The following PCDHB10 variants were observed in gnomAD, a reference collection of about 807,000 sequenced individuals.
PCDHB10 encodes the protein protocadherin beta-10.
For synonymous variants in PCDHB10, 448 were observed against 449.2 expected, an observed-to-expected ratio of 1.00 and a Z score of 0.04; for missense variants, 1,046 against 1,004.7, an observed-to-expected ratio of 1.04 and a Z score of -0.56.
rs781951217 is a variant in PCDHB10, at chr5:141,194,789, C to A, written c.2237C>A (p.Thr746Asn). Reference sequence around the variant, plus strand: ...CTGGTGGACGTGAGGGGCGCTGAGACCCTGTCCCAGAGCTACCAGTATGAG... The same window carrying A: ...CTGGTGGACGTGAGGGGCGCTGAGAACCTGTCCCAGAGCTACCAGTATGAG... Reference protein sequence around the residue: ...GHLVDVRGAETLSQSYQYEVC... With the variant: ...GHLVDVRGAENLSQSYQYEVC... The change falls in exon 1 of 1, where the codon ACC (threonine) becomes AAC (asparagine). Residue 746 changes from threonine (T) to asparagine (N), a missense_variant. Coordinates refer to ENST00000239446, the MANE Select transcript of PCDHB10 (RefSeq NM_018930.4). 3.2e-5 allele frequency: 52 copies of A among 1,613,956 alleles called. No homozygotes were observed. The South Asian group carries it at 4.7e-4, about 15-fold the overall frequency.
Position 141,194,676 on chromosome 5 carries a change from C to G in PCDHB10, c.2124C>G (p.Leu708=), listed in dbSNP as rs782526480. 4 of 1,606,738 alleles carry G rather than the reference C, an allele frequency of 2.5e-6. No homozygotes were observed. In the South Asian group the frequency reaches 4.4e-5, roughly 18 times the overall value. ...SVSSLFLLSV[L]LFVAVRLCRR... Reference sequence around the variant, plus strand: ...CTTCGCTCTTCCTCCTCTCGGTGCTCCTGTTCGTGGCGGTGCGGCTGTGCA... The same window carrying G: ...CTTCGCTCTTCCTCCTCTCGGTGCTGCTGTTCGTGGCGGTGCGGCTGTGCA... Residue 708 remains leucine (L), a synonymous_variant, in exon 1 of 1, where the codon CTC becomes CTG. Transcript: ENST00000239446.
chr5:141,194,122 C>T lies in PCDHB10; in HGVS notation c.1570C>T (p.Leu524=), dbSNP rs1554284287. The T allele has an allele frequency of 6.2e-7, 1 of 1,605,950 alleles. No individual in the cohort carries two copies. The highest frequency in any genetic ancestry group is 8.5e-7 in the Non-Finnish European group (1 of 1,177,026). Residue 524 remains leucine (L), a synonymous_variant, in exon 1 of 1, where the codon CTG becomes TTG. Coordinates refer to ENST00000239446, the MANE Select transcript of PCDHB10 (RefSeq NM_018930.4). ...CCTCAGGTCGCTGGACTACGAGGCCCTGCAGGCTTTCGAGTTCCGCGTGGG... is the reference window on the plus strand; with the variant it reads ...CCTCAGGTCGCTGGACTACGAGGCCTTGCAGGCTTTCGAGTTCCGCGTGGG... ...FALRSLDYEA[L]QAFEFRVGAT... is the part of the protein sequence containing the mutation.
In PCDHB10 at chr5:141,194,619, C is replaced by G. The variant is rs201532780; in HGVS notation, c.2067C>G (p.Thr689=). 7 of 1,597,180 alleles carry G rather than the reference C, an allele frequency of 4.4e-6. No individual in the cohort carries two copies. Among genetic ancestry groups the G allele is most frequent in the Admixed American group, 1.7e-5 (1 of 59,114 alleles). Residue 689 remains threonine, a synonymous_variant, in exon 1 of 1, where the codon ACC becomes ACG. Transcript: ENST00000239446. ...AQAQAEADLL[T]VYLVVALASV... Reference sequence around the variant, plus strand: ...CCCAGGCCGAGGCCGACTTGCTCACCGTCTACCTGGTGGTGGCGTTGGCCT... The same window carrying G: ...CCCAGGCCGAGGCCGACTTGCTCACGGTCTACCTGGTGGTGGCGTTGGCCT...
rs1554284001 is a variant in PCDHB10, at chr5:141,193,217, G to A, written c.665G>A (p.Arg222Lys). Residue 222 changes from arginine to lysine, a missense_variant, in exon 1 of 1, where the codon AGG (arginine) becomes AAG (lysine). Arg to Lys is a conservative substitution (Grantham distance 26, BLOSUM62 2). Coordinates refer to ENST00000239446, the MANE Select transcript of PCDHB10 (RefSeq NM_018930.4). ...LTALDGGSPSRSGTSTVRIVV... is the reference protein window; with the variant it reads ...LTALDGGSPSKSGTSTVRIVV... ...GCGCTGGATGGTGGGTCTCCATCCAGGTCTGGGACCTCTACTGTACGCATC... is the reference window on the plus strand; with the variant it reads ...GCGCTGGATGGTGGGTCTCCATCCAAGTCTGGGACCTCTACTGTACGCATC... The A allele has an allele frequency of 6.2e-7, 1 of 1,614,082 alleles. No homozygotes were observed. The highest frequency in any genetic ancestry group is 2.2e-5 in the East Asian group (1 of 44,862).
In PCDHB10 at chr5:141,195,181, C is replaced by A; in HGVS notation, c.*226C>A. On this transcript the variant is annotated 3_prime_UTR_variant, in exon 1 of 1. Transcript: ENST00000239446. Reference sequence around the variant, plus strand: ...GATAGTGTTAAGGTTTTAATTCTTTCCAACTGCCCAAGGAATTAATTACTA... The same window carrying A: ...GATAGTGTTAAGGTTTTAATTCTTTACAACTGCCCAAGGAATTAATTACTA... The A allele has an allele frequency of 2.3e-6, 1 of 437,112 alleles. No individual in the cohort carries two copies. Among genetic ancestry groups the A allele is most frequent in the Non-Finnish European group, 4.1e-6 (1 of 241,942 alleles). The allele number at this position is 437,112 out of a possible 1,614,324, so 27.1% of individuals were successfully genotyped here. A position where few individuals can be genotyped will look rare whatever the true frequency, so the allele number is the denominator to read the frequency against.
Position 141,194,028 on chromosome 5 carries a change from G to T in PCDHB10, c.1476G>T (p.Pro492=), listed in dbSNP as rs141172055. Residue 492 remains proline (P), a synonymous_variant, in exon 1 of 1, where the codon CCG becomes CCT. Coordinates refer to ENST00000239446, the MANE Select transcript of PCDHB10 (RefSeq NM_018930.4). The part of the protein sequence containing the change: ...TNAQVTYSLL[P]PQDPHLPLAS... ...CCCAGGTCACCTACTCGCTGCTGCC[G>T]CCCCAAGACCCGCACCTGCCCCTCG... The T allele has an allele frequency of 3.7e-6, 6 of 1,608,460 alleles. No homozygotes were observed. In the Middle Eastern group the frequency reaches 9.0e-4, roughly 241 times the overall value.
rs1554283994 is a variant in PCDHB10, at chr5:141,193,185, C to T, written c.633C>T (p.Thr211=). Residue 211 remains threonine, a synonymous_variant, in exon 1 of 1, where the codon ACC becomes ACT. Coordinates refer to ENST00000239446, the MANE Select transcript of PCDHB10 (RefSeq NM_018930.4). ...AGGAGCAGGGAGAGCTCAGCTTAAC[C>T]CTCACAGCGCTGGATGGTGGGTCTC... The part of the protein sequence containing the change: ...DREEQGELSL[T]LTALDGGSPS... 3 of 1,613,998 alleles carry T rather than the reference C, an allele frequency of 1.9e-6. No individual in the cohort carries two copies. The highest frequency in any genetic ancestry group is 3.3e-5 in the Admixed American group (2 of 60,010).
chr5:141,195,198 T>C lies in PCDHB10; in HGVS notation c.*243T>C. On this transcript the variant is annotated 3_prime_UTR_variant, in exon 1 of 1. Coordinates refer to ENST00000239446, the MANE Select transcript of PCDHB10 (RefSeq NM_018930.4). ...AATTCTTTCCAACTGCCCAAGGAAT[T>C]AATTACTATTATATCTCATTACAGA... 2 of 388,774 alleles carry C rather than the reference T, an allele frequency of 5.1e-6. No individual in the cohort carries two copies. The highest frequency in any genetic ancestry group is 4.8e-5 in the East Asian group (1 of 20,628). The allele number at this position is 388,774 out of a possible 1,614,324, so 24.1% of individuals were successfully genotyped here.
At position 141,194,262 on chromosome 5, in the gene PCDHB10, G is replaced by C. The variant is rs782514678; in HGVS notation, c.1710G>C (p.Ala570=). 8 of 1,605,768 alleles carry C rather than the reference G, an allele frequency of 5.0e-6. No homozygotes were observed. The East Asian group carries it at 1.8e-4, about 36-fold the overall frequency. Residue 570 remains alanine, a synonymous_variant, in exon 1 of 1, where the codon GCG becomes GCC. Coordinates refer to ENST00000239446, the MANE Select transcript of PCDHB10 (RefSeq NM_018930.4). ...TGTACCCGCTGCAGAACGGCTCCGCGCCCTGCACCGAGCTGGTGCCCCGGG... is the reference window on the plus strand; with the variant it reads ...TGTACCCGCTGCAGAACGGCTCCGCCCCCTGCACCGAGCTGGTGCCCCGGG... The part of the protein sequence containing the change: ...FVLYPLQNGS[A]PCTELVPRAA...
chr5:141,195,090 AAT>A lies in PCDHB10; in HGVS notation c.*136_*137del. On this transcript the variant is annotated 3_prime_UTR_variant, in exon 1 of 1. Coordinates refer to ENST00000239446, the MANE Select transcript of PCDHB10 (RefSeq NM_018930.4). ...AAGTAGTATACCCCTGTGGTTTTAC[AAT>A]GTTTCATCATTTTTTTGCATTAATA... 1 of 912,830 alleles carries A rather than the reference AAT, an allele frequency of 1.1e-6. No homozygotes were observed. Among genetic ancestry groups the A allele is most frequent in the South Asian group, 2.4e-5 (1 of 41,116 alleles). 56.5% of individuals were successfully genotyped at this position (912,830 alleles called of 1,614,324 possible).
In PCDHB10 at chr5:141,193,098, T is replaced by C. The variant is rs782771564; in HGVS notation, c.546T>C (p.Ile182=). 20 of 1,614,106 alleles carry C rather than the reference T, an allele frequency of 1.2e-5. No individual in the cohort carries two copies. Among genetic ancestry groups the C allele is most frequent in the Non-Finnish European group, 1.7e-5 (20 of 1,180,030 alleles). The change falls in exon 1 of 1, where the codon ATT becomes ATC. Residue 182 remains isoleucine (I), a synonymous_variant. Transcript: ENST00000239446. ...ISPNSFFHIN[I]SGGDEGMIYP... ...CCAACTCTTTTTTCCATATTAACAT[T>C]AGTGGCGGTGATGAAGGCATGATAT...
Position 141,195,014 on chromosome 5 carries a change from T to C in PCDHB10, c.*59T>C. 6.7e-7 allele frequency: 1 copy of C among 1,485,496 alleles called. No individual in the cohort carries two copies. Among genetic ancestry groups the C allele is most frequent in the Non-Finnish European group, 9.0e-7 (1 of 1,109,338 alleles). The allele number at this position is 1,485,496 out of a possible 1,614,324, so 92.0% of individuals were successfully genotyped here. On this transcript the variant is annotated 3_prime_UTR_variant, in exon 1 of 1. Coordinates refer to ENST00000239446, the MANE Select transcript of PCDHB10 (RefSeq NM_018930.4). ...TTACATAGCCATGTTTCTATTAGTT[T>C]ACTTTTAAATCTCAAATTTAAGTTA...
At position 141,193,477 on chromosome 5, in the gene PCDHB10, T is replaced by C; in HGVS notation, c.925T>C (p.Tyr309His). Residue 309 changes from tyrosine to histidine, a missense_variant, in exon 1 of 1, where the codon TAT becomes CAT. Physicochemically the swap from Tyr to His is moderately conservative, Grantham distance 83. Transcript: ENST00000239446. Reference sequence around the variant, plus strand: ...AATCTTTCTCAGAGAATTGCTTGATTATGAGTTAGTAAATTCTTACAAAAT... The same window carrying C: ...AATCTTTCTCAGAGAATTGCTTGATCATGAGTTAGTAAATTCTTACAAAAT... ...GEIFLRELLD[Y>H]ELVNSYKINI... 2 of 1,614,170 alleles carry C rather than the reference T, an allele frequency of 1.2e-6. No individual in the cohort carries two copies. The highest frequency in any genetic ancestry group is 1.7e-6 in the Non-Finnish European group (2 of 1,180,028).
rs146421486 is a variant in PCDHB10 at position 141,193,952 on chromosome 5, C to T, written c.1400C>T (p.Ala467Val). 3 of 1,611,980 alleles carry T rather than the reference C, an allele frequency of 1.9e-6. No homozygotes were observed. Among genetic ancestry groups the T allele is most frequent in the Admixed American group, 1.7e-5 (1 of 59,972 alleles). The change falls in exon 1 of 1, where the codon GCC becomes GTC. Residue 467 changes from alanine (A) to valine (V), a missense_variant. Ala to Val is a moderately conservative substitution (Grantham distance 64). Coordinates refer to ENST00000239446, the MANE Select transcript of PCDHB10 (RefSeq NM_018930.4). ...TTCGTCCGCGAGAACAACAGCCCCG[C>T]CCTGCACATCGGCAGCGTCAGCGCC... ...TLFVRENNSP[A>V]LHIGSVSATD...
chr5:141,193,540 A>T lies in PCDHB10; in HGVS notation c.988A>T (p.Arg330Ter). The change falls in exon 1 of 1, where the codon AGA becomes TGA. Residue 330 changes from arginine to a stop codon, truncating the protein, a stop_gained. Transcript: ENST00000239446. LOFTEE classifies it low-confidence loss of function (END_TRUNC). The stretch of plus-strand genomic sequence containing the variant: ...AATGGACGGTGGAGGCCTTTCTGCA[A>T]GATGTAGGGTTTTAGTGGAAGTATT... Reference protein sequence around the residue: ...QAMDGGGLSARCRVLVEVLDT... With the variant: ...QAMDGGGLSA 3.1e-6 allele frequency: 5 copies of T among 1,614,192 alleles called. No individual in the cohort carries two copies. Among genetic ancestry groups the T allele is most frequent in the Non-Finnish European group, 3.4e-6 (4 of 1,180,026 alleles).
In PCDHB10 at chr5:141,192,444, CA is replaced by C. The variant is rs1410117545; in HGVS notation, c.-103del. The C allele has an allele frequency of 7.0e-7, 1 of 1,420,596 alleles. No individual in the cohort carries two copies. Among genetic ancestry groups the C allele is most frequent in the Non-Finnish European group, 9.5e-7 (1 of 1,048,408 alleles). The allele number at this position is 1,420,596 out of a possible 1,614,324, so 88.0% of individuals were successfully genotyped here. On this transcript the variant is annotated 5_prime_UTR_variant, in exon 1 of 1. Transcript: ENST00000239446. ...GCCAAAGATTGGGAAAGGGAAAGGA[CA>C]AAAAAGACCCCTGGGCTACACGGCG...
In PCDHB10 at chr5:141,192,939, C is replaced by G; in HGVS notation, c.387C>G (p.His129Gln). 1 of 1,614,032 alleles carries G rather than the reference C, an allele frequency of 6.2e-7. No homozygotes were observed. ...AELRVRDIND[H>Q]APVFQDKETV... is the part of the protein sequence containing the mutation. Reference sequence around the variant, plus strand: ...TGAGAGTCAGGGATATAAATGATCACGCGCCAGTATTTCAGGACAAAGAAA... The same window carrying G: ...TGAGAGTCAGGGATATAAATGATCAGGCGCCAGTATTTCAGGACAAAGAAA... Residue 129 changes from histidine (H) to glutamine (Q), a missense_variant, in exon 1 of 1, where the codon CAC (histidine) becomes CAG (glutamine). Transcript: ENST00000239446.
At position 141,192,417 on chromosome 5, in the gene PCDHB10, C is replaced by A; in HGVS notation, c.-136C>A. 9.0e-7 allele frequency: 1 copy of A among 1,108,686 alleles called. No individual in the cohort carries two copies. The highest frequency in any genetic ancestry group is 1.3e-6 in the Non-Finnish European group (1 of 769,586). The allele number at this position is 1,108,686 out of a possible 1,614,324, so 68.7% of individuals were successfully genotyped here. Reference sequence around the variant, plus strand: ...GATGAACTTAAAAGAGAAGCTTTAGCTGCCAAAGATTGGGAAAGGGAAAGG... The same window carrying A: ...GATGAACTTAAAAGAGAAGCTTTAGATGCCAAAGATTGGGAAAGGGAAAGG... On this transcript the variant is annotated 5_prime_UTR_variant, in exon 1 of 1. The change creates a new upstream start codon in the 5' untranslated region. Transcript: ENST00000239446.
rs781877016 is a variant in PCDHB10 at position 141,194,825 on chromosome 5, C to A, written c.2273C>A (p.Thr758Lys). 5.6e-6 allele frequency: 9 copies of A among 1,614,002 alleles called. No homozygotes were observed. Among genetic ancestry groups the A allele is most frequent in the African/African-American group, 5.3e-5 (4 of 74,908 alleles). Residue 758 changes from threonine (T) to lysine (K), a missense_variant, in exon 1 of 1, where the codon ACG (threonine) becomes AAG (lysine). Thr to Lys is a moderately conservative substitution (Grantham distance 78). Transcript: ENST00000239446. ...SQSYQYEVCL[T>K]GGPGTSEFKF... is the part of the protein sequence containing the mutation. ...AGCTACCAGTATGAGGTGTGTCTGA[C>A]GGGAGGCCCCGGGACCAGTGAGTTC...
Sources: allele counts gnomAD v4.1 joint callset, GRCh38; gene constraint gnomAD v4.1.1; transcripts MANE v1.5; gene names NCBI Gene and HGNC (gene_info 2026-07-23, HGNC 2026-07-21).